The following MCMDC2 variants were observed in gnomAD, a reference collection of about 807,000 sequenced individuals.
MCMDC2 encodes the protein minichromosome maintenance domain containing 2.
A neutral mutation model predicts 75.8 loss-of-function variants in MCMDC2; 54 were observed. The observed-to-expected ratio is 0.71, with a 90% CI of 0.57 to 0.89. The LOEUF (loss-of-function observed/expected upper bound fraction) is 0.89. Ranked by LOEUF, MCMDC2 falls within the 40% of genes least tolerant of loss-of-function variation. The probability of loss-of-function intolerance (pLI) is 0.00; values close to 1 mark genes in which losing one functional copy is unlikely to be tolerated. For missense variants in MCMDC2, 656 were observed against 780.4 expected, an observed-to-expected ratio of 0.84 and a Z score of 1.90; for synonymous variants, 249 against 274.6, an observed-to-expected ratio of 0.91 and a Z score of 0.92.
chr8:66,924,061 G>A (rs930678177), downstream of MCMDC2, among the ~76,000 whole-genome samples: 9 of 151,936 alleles, frequency 5.9e-5, no homozygotes, highest in African/African-American at 2.2e-4. Flanking sequence ...CAAATGTATC[G>A]GTGGATTCTT....
chr8:66,910,325 C>G (rs182763145), intron 14 of MCMDC2, among the ~76,000 whole-genome samples: 186 of 152,318 alleles, frequency 1.2e-3, no homozygotes, highest in African/African-American at 4.4e-3. Flanking sequence ...AATGGTAGAT[C>G]CACCAACAGC....
At chr8:66,896,596 C>A (rs1203768550) in intron 11 of MCMDC2, among the ~76,000 whole-genome samples, 184 bp from the exon 12 acceptor site, 1 of 151,670 alleles carries the variant, frequency 6.6e-6, no homozygotes, top group East Asian at 1.9e-4. Flanking sequence ...ACTAAAGAGG[C>A]TTTAAAAAAA....
chr8:66,910,360 C>A (rs752745742), intron 14 of MCMDC2, among the ~76,000 whole-genome samples: 2 of 152,214 alleles, frequency 1.3e-5, no homozygotes, highest in Non-Finnish European at 2.9e-5. Flanking sequence ...GGAAAAGCTG[C>A]AGACACTCAA....
At chr8:66,883,064 AAGG>A (rs1563371569) in intron 8 of MCMDC2, among the ~76,000 whole-genome samples, 2 of 152,202 alleles carry the variant, frequency 1.3e-5, no homozygotes, top group Non-Finnish European at 2.9e-5. Flanking sequence ...GCCCAGAAAG[AAGG>A]AGAATGGGAC....
chr8:66,922,713 G>T, downstream of MCMDC2: 4 of 263,510 alleles, frequency 1.5e-5, no homozygotes, highest in Non-Finnish European at 2.3e-5. Context: ...TCACCTCAAA[G>T]GCTTTCTTGC....
intron 14 of MCMDC2, among the ~76,000 whole-genome samples, chr8:66,908,771 C>A (rs1276691272): frequency 6.6e-6 from 1 of 152,090 alleles, no homozygotes; most frequent in Non-Finnish European, 1.5e-5. Context: ...CCACCACACC[C>A]AGTTAATTTT....
At position 66,883,792 on chromosome 8, in the gene MCMDC2, C is replaced by G; in HGVS notation, c.871C>G (p.Leu291Val). The change falls in exon 9 of 15, where the codon CTC (leucine) becomes GTC (valine). Residue 291 changes from leucine to valine, a missense_variant. Transcript: ENST00000422365. ...SGISDNFRCL[L>V]SLTSSSCWKF... Reference sequence around the variant, plus strand: ...AATTAGTGACAACTTCAGGTGTCTCCTCTCCTTAACTTCCAGCTCATGCTG... The same window carrying G: ...AATTAGTGACAACTTCAGGTGTCTCGTCTCCTTAACTTCCAGCTCATGCTG... The G allele has an allele frequency of 6.2e-7, 1 of 1,612,752 alleles. No homozygotes were observed. Among genetic ancestry groups the G allele is most frequent in the Non-Finnish European group, 8.5e-7 (1 of 1,179,374 alleles).
intron 9 of MCMDC2, chr8:66,884,235 C>T: frequency 1.9e-6 from 1 of 529,882 alleles, no homozygotes. Context: ...ATACATCCTT[C>T]CCAGCCTTCC....
intron 14 of MCMDC2, among the ~76,000 whole-genome samples, chr8:66,906,995 C>T (rs962560552): frequency 2.6e-5 from 4 of 151,888 alleles, no homozygotes; most frequent in Non-Finnish European, 4.4e-5. Flanking sequence ...CTGGAATTCC[C>T]GACCTCAGGT....
Position 66,887,873 on chromosome 8 carries a change from CAG to C in MCMDC2, c.1074-2991_1074-2990del, listed in dbSNP as rs144994472. On this transcript the variant is annotated intron_variant, in intron 9 of 14. Coordinates refer to ENST00000422365, the MANE Select transcript of MCMDC2 (RefSeq NM_173518.5). ...CAAATTCAATTGAACTAGGCAGAATCAGGGTATAAAATTGAACTGGATGTAAA... is the reference window on the plus strand; with the variant it reads ...CAAATTCAATTGAACTAGGCAGAATCGGTATAAAATTGAACTGGATGTAAA... Among the ~76,000 whole-genome samples, 849 of 152,260 alleles carry C rather than the reference CAG, an allele frequency of 5.6e-3. 28 individuals carry two copies. The East Asian group carries it at 0.1, about 18-fold the overall frequency.
intron 11 of MCMDC2, 79 bp from the exon 12 acceptor site, chr8:66,896,697 ATAAT>A (rs1812369165): frequency 1.0e-6 from 1 of 987,160 alleles, no homozygotes; most frequent in Non-Finnish European, 1.4e-6. Flanking sequence ...ACAACATATA[ATAAT>A]TACTTTGTAA....
Position 66,919,317 on chromosome 8 carries a change from C to T in MCMDC2, c.*148C>T. On this transcript the variant is annotated 3_prime_UTR_variant, in exon 15 of 15. Coordinates refer to ENST00000422365, the MANE Select transcript of MCMDC2 (RefSeq NM_173518.5). ...TTTTAAAAATATAAAATATAGTCCC[C>T]TCAAAACTAATTGCTAATGGGATAA... The T allele has an allele frequency of 1.8e-6, 1 of 560,502 alleles. No homozygotes were observed. Among genetic ancestry groups the T allele is most frequent in the East Asian group, 3.4e-5 (1 of 29,766 alleles). The allele number at this position is 560,502 out of a possible 1,614,324, so 34.7% of individuals were successfully genotyped here.
At chr8:66,884,667 G>A (rs953137724) in intron 9 of MCMDC2, 3 of 151,882 alleles carry the variant, frequency 2.0e-5, no homozygotes, top group African/African-American at 7.3e-5. Flanking sequence ...ATTGCCACTG[G>A]TGATGTAAAT....
chr8:66,913,378 A>C, intron 14 of MCMDC2, among the ~76,000 whole-genome samples: 1 of 152,184 alleles, frequency 6.6e-6, no homozygotes, highest in East Asian at 1.9e-4. Context: ...CTGAACCTGC[A>C]ATATCTCTGA....
intron 7 of MCMDC2, among the ~76,000 whole-genome samples, chr8:66,879,762 A>G (rs111808984): frequency 0.03 from 4,584 of 152,308 alleles, 137 homozygotes; most frequent in African/African-American, 0.06. Context: ...AAATGATATT[A>G]GGACCTAATG....
chr8:66,907,079 T>TC (rs1161488543), intron 14 of MCMDC2, among the ~76,000 whole-genome samples: 4 of 152,172 alleles, frequency 2.6e-5, no homozygotes, highest in African/African-American at 9.6e-5. Flanking sequence ...ATTTTTTTTT[T>TC]CTCTTTAAGT....
At position 66,880,857 on chromosome 8, in the gene MCMDC2, G is replaced by A; in HGVS notation, c.718G>A (p.Val240Met). The A allele has an allele frequency of 1.3e-6, 2 of 1,531,782 alleles. No individual in the cohort carries two copies. Among genetic ancestry groups the A allele is most frequent in the East Asian group, 2.4e-5 (1 of 42,032 alleles). 94.9% of individuals were successfully genotyped at this position (1,531,782 alleles called of 1,614,324 possible). A position where few individuals can be genotyped will look rare whatever the true frequency, so the allele number is the denominator to read the frequency against. Residue 240 changes from valine to methionine, a missense_variant, in exon 8 of 15, where the codon GTG (valine) becomes ATG (methionine). Physicochemically the swap from Val to Met is conservative, Grantham distance 21. Coordinates refer to ENST00000422365, the MANE Select transcript of MCMDC2 (RefSeq NM_173518.5). Reference sequence around the variant, plus strand: ...GTCTTTAATAATTTTAGATGAATCAGTGAATAAAATGAATATAGGAAATGA... The same window carrying A: ...GTCTTTAATAATTTTAGATGAATCAATGAATAAAATGAATATAGGAAATGA... ...SLTIFLRDES[V>M]NKMNIGNEYK... is the part of the protein sequence containing the mutation.
chr8:66,872,930 CTG>C (rs1811092647), intron 1 of MCMDC2, among the ~76,000 whole-genome samples: 1 of 135,380 alleles, frequency 7.4e-6, no homozygotes, highest in Non-Finnish European at 1.5e-5. Flanking sequence ...GTACTCCAGC[CTG>C]GGCGACAGAG....
intron 14 of MCMDC2, among the ~76,000 whole-genome samples, chr8:66,907,640 A>G (rs988320527): frequency 6.6e-6 from 1 of 152,194 alleles, no homozygotes; most frequent in Non-Finnish European, 1.5e-5. Context: ...ATCCTTGAGG[A>G]ATCGCCACAC....
Sources: allele counts gnomAD v4.1 joint callset (sites outside exome capture counted in the v4.1 genomes callset), GRCh38; gene constraint gnomAD v4.1.1; transcripts MANE v1.5; gene names NCBI Gene and HGNC (gene_info 2026-07-23, HGNC 2026-07-21).